The following PCDH15 variants were observed in gnomAD, a reference collection of about 807,000 sequenced individuals.
The protein encoded by PCDH15 is protocadherin-15.
In PCDH15, 129 loss-of-function variants were observed where a neutral mutation model predicts 178.5. The observed-to-expected ratio is 0.72, with a 90% CI of 0.63 to 0.84. The LOEUF is 0.84. PCDH15 is among the 40% of genes least tolerant of loss of function. PCDH15 has a pLI of 0.00. For missense variants in PCDH15, 2,230 were observed against 2,099.9 expected (o/e 1.06, Z -1.21); for synonymous variants, 800 against 732.0 (o/e 1.09, Z -1.50).
chr10:53,870,410 T>A (rs2079754778), intron 26 of PCDH15, among the ~76,000 whole-genome samples: 1 of 152,110 alleles, frequency 6.6e-6, no homozygotes, highest in Non-Finnish European at 1.5e-5. Context: ...TTAAAAAAAA[T>A]AAAACCCTAT....
intron 37 of PCDH15, among the ~76,000 whole-genome samples, chr10:53,807,818 A>T (rs975084505): frequency 6.6e-6 from 1 of 152,166 alleles, no homozygotes; most frequent in African/African-American, 2.4e-5. Flanking sequence ...AAAGCTAATT[A>T]TTATACTAAA....
rs993518512 is a variant in PCDH15, at chr10:54,981,392, C to A, written c.-79-83892G>T. Among the ~76,000 whole-genome samples the A allele has an allele frequency of 4.4e-4, 67 of 152,092 alleles. 3 individuals are homozygous for A. The highest frequency in any genetic ancestry group is 8.8e-5 in the Non-Finnish European group (6 of 68,018). On this transcript the variant is annotated intron_variant, in intron 2 of 5. Coordinates refer to the PCDH15 transcript ENST00000458638. Reference sequence around the variant, plus strand: ...ACTCCCTGGAAAATTCTGATGAATACAATTTTTTATCTTGTATACTTCTAT... The same window carrying A: ...ACTCCCTGGAAAATTCTGATGAATAAAATTTTTTATCTTGTATACTTCTAT...
At chr10:55,241,488 C>A (rs148194579) in intron 1 of PCDH15, among the ~76,000 whole-genome samples, 1 of 152,232 alleles carries the variant, frequency 6.6e-6, no homozygotes, top group African/African-American at 2.4e-5. Flanking sequence ...GGTGTAAATG[C>A]AGCTCACTGC....
At chr10:55,209,322 C>T (rs1004132200) in intron 1 of PCDH15, among the ~76,000 whole-genome samples, 1 of 152,098 alleles carries the variant, frequency 6.6e-6, no homozygotes, top group Non-Finnish European at 1.5e-5. Context: ...AATGAAAAGA[C>T]ATCAGATGAT....
At chr10:54,536,298 A>C (rs1236258326) in intron 2 of PCDH15, among the ~76,000 whole-genome samples, 1 of 152,124 alleles carries the variant, frequency 6.6e-6, no homozygotes. Flanking sequence ...AATGCTTTCT[A>C]TGTTATTGTG....
At chr10:54,711,642 G>A (rs901296816) in intron 1 of PCDH15, among the ~76,000 whole-genome samples, 5 of 151,770 alleles carry the variant, frequency 3.3e-5, no homozygotes, top group South Asian at 2.1e-4. Flanking sequence ...CATAATTTAT[G>A]AGTATATTTT....
chr10:55,275,704 T>C (rs1366248141), intron 1 of PCDH15, among the ~76,000 whole-genome samples: 1 of 150,266 alleles, frequency 6.7e-6, no homozygotes, highest in African/African-American at 2.5e-5. Flanking sequence ...GACTTGTCTC[T>C]CTTTTTTTTT....
intron 3 of PCDH15, among the ~76,000 whole-genome samples, chr10:54,840,224 G>T (rs1217079949): frequency 6.6e-6 from 1 of 151,880 alleles, no homozygotes; most frequent in Non-Finnish European, 1.5e-5. Flanking sequence ...AAAATCAAGA[G>T]TGTTAAAAAT....
chr10:55,088,275 T>A (rs1239708807), intron 2 of PCDH15, among the ~76,000 whole-genome samples: 1 of 142,022 alleles, frequency 7.0e-6, no homozygotes, highest in East Asian at 2.0e-4. Flanking sequence ...TGGAAGCATG[T>A]TTTTTTTTTT....
chr10:54,571,584 A>T (rs1159027409), intron 2 of PCDH15, among the ~76,000 whole-genome samples: 1 of 152,122 alleles, frequency 6.6e-6, no homozygotes, highest in African/African-American at 2.4e-5. Flanking sequence ...AGTGAGCTAT[A>T]TTGAGCTTAA....
chr10:55,544,832 G>A (rs907191956), intron 2 of PCDH15, among the ~76,000 whole-genome samples: 6 of 152,076 alleles, frequency 3.9e-5, no homozygotes, highest in Admixed American at 1.3e-4. Flanking sequence ...CTAGAACAGA[G>A]AGGGAAAAGA....
chr10:53,993,343 G>A (rs1169052463), intron 21 of PCDH15, among the ~76,000 whole-genome samples: 1 of 152,154 alleles, frequency 6.6e-6, no homozygotes, highest in Non-Finnish European at 1.5e-5. Flanking sequence ...TTTCCTGGCA[G>A]ACTAGTAAGT....
intron 2 of PCDH15, among the ~76,000 whole-genome samples, chr10:55,091,888 T>C (rs1310652699): frequency 2.0e-5 from 3 of 151,846 alleles, no homozygotes; most frequent in Non-Finnish European, 2.9e-5. Flanking sequence ...AAATGTATAG[T>C]GTACTATTTA....
At chr10:54,821,338 G>T (rs935558751) in intron 3 of PCDH15, among the ~76,000 whole-genome samples, 1 of 151,882 alleles carries the variant, frequency 6.6e-6, no homozygotes, top group African/African-American at 2.4e-5. Flanking sequence ...ATGTACATTA[G>T]AACCTCAAGA....
rs558448900 is a variant in PCDH15, at chr10:54,513,420, C to T, written c.157+14392G>A. Among the ~76,000 whole-genome samples, 168 of 152,076 alleles carry T rather than the reference C, an allele frequency of 1.1e-3. 1 individual carries two copies. The highest frequency in any genetic ancestry group is 3.8e-3 in the African/African-American group (156 of 41,492). On this transcript the variant is annotated intron_variant, in intron 3 of 37. Transcript: ENST00000644397. Reference sequence around the variant, plus strand: ...AGATTACAGGTGCACGCCCCCATGCCTGGCTAAAATAATATTCAGTCTAAT... The same window carrying T: ...AGATTACAGGTGCACGCCCCCATGCTTGGCTAAAATAATATTCAGTCTAAT...
At chr10:54,837,882 A>T (rs1416316439) in intron 3 of PCDH15, among the ~76,000 whole-genome samples, 4 of 152,104 alleles carry the variant, frequency 2.6e-5, no homozygotes, top group Non-Finnish European at 5.9e-5. Flanking sequence ...GACCCAAAAC[A>T]GTCCCATCTC....
intron 1 of PCDH15, among the ~76,000 whole-genome samples, chr10:54,715,165 G>C (rs904622198): frequency 6.6e-6 from 1 of 152,048 alleles, no homozygotes; most frequent in Admixed American, 6.6e-5. Flanking sequence ...GCTCGGTTTA[G>C]ACTTAAAATA....
intron 28 of PCDH15, among the ~76,000 whole-genome samples, chr10:53,847,262 C>A (rs1185998255): frequency 6.6e-6 from 1 of 152,034 alleles, no homozygotes; most frequent in Non-Finnish European, 1.5e-5. Context: ...TGATTATAAA[C>A]CCTACTTAGG....
At chr10:54,004,426 C>CACACACACACACACACACACACA (rs35001487) in intron 20 of PCDH15, among the ~76,000 whole-genome samples, 2 of 96,830 alleles carry the variant, frequency 2.1e-5, no homozygotes, top group African/African-American at 5.5e-5. Flanking sequence ...CACACACACA[C>CACACACACACACACACACACACA]CACACAAAGT....
Sources: gnomAD v4.1 joint callset for allele counts (sites outside exome capture counted in the v4.1 genomes callset) on GRCh38, gnomAD v4.1.1 for gene constraint, MANE v1.5 for transcripts, NCBI Gene and HGNC (gene_info 2026-07-23, HGNC 2026-07-21) for gene names.